Variants in CRACDL observed in about 807,000 individuals in gnomAD.
CRACDL encodes CRACD like.
A neutral mutation model predicts 70.6 loss-of-function variants in CRACDL; 26 were observed. The observed-to-expected ratio is 0.37, with a 90% CI of 0.27 to 0.51. The LOEUF (loss-of-function observed/expected upper bound fraction) is 0.51. Ranked by LOEUF, CRACDL falls within the 20% of genes least tolerant of loss-of-function variation. The pLI is 0.94. For missense variants in CRACDL, 1,283 were observed against 1,376.9 expected (o/e 0.93, Z 1.08); for synonymous variants, 618 against 615.2 (o/e 1.00, Z -0.07).
At chr2:98,807,524 GC>G (rs1438139209) in intron 7 of CRACDL, among the ~76,000 whole-genome samples, 1 of 152,184 alleles carries the variant, frequency 6.6e-6, no homozygotes, top group Non-Finnish European at 1.5e-5. Context: ...GCCCATGCCT[GC>G]CCCAGCTGAG....
intron 1 of CRACDL, among the ~76,000 whole-genome samples, chr2:98,903,930 G>A (rs755660248): frequency 6.6e-6 from 1 of 152,200 alleles, no homozygotes; most frequent in Non-Finnish European, 1.5e-5. Flanking sequence ...CTCAGCCTGG[G>A]TGACGCTCCT....
In CRACDL at chr2:98,893,314, C is replaced by T. The variant is rs545344172; in HGVS notation, c.-11+42624G>A. Among the ~76,000 whole-genome samples the T allele has an allele frequency of 1.1e-4, 16 of 152,042 alleles. No individual in the cohort carries two copies. In the South Asian group the frequency reaches 2.5e-3, roughly 24 times the overall value. On this transcript the variant is annotated intron_variant, in intron 1 of 9. Transcript: ENST00000397899. ...CCTATTTTTTTTTTTAGACGAGTCTCGCTCTGTTGCCCAGGCTGGAGTGCA... is the reference window on the plus strand; with the variant it reads ...CCTATTTTTTTTTTTAGACGAGTCTTGCTCTGTTGCCCAGGCTGGAGTGCA...
intron 1 of CRACDL, among the ~76,000 whole-genome samples, chr2:98,851,896 G>A (rs1363177587): frequency 6.6e-6 from 1 of 152,158 alleles, no homozygotes; most frequent in Admixed American, 6.5e-5. Flanking sequence ...AGAAATTAAA[G>A]TGGAATCAAC....
chr2:98,869,308 C>T, intron 1 of CRACDL: 1 of 1,216,316 alleles, frequency 8.2e-7, no homozygotes, highest in Non-Finnish European at 1.1e-6. Flanking sequence ...TCTGCCAAGC[C>T]CAGCCCTCCT....
At chr2:98,840,797 A>G (rs2104522036) in intron 2 of CRACDL, 1 of 152,312 alleles carries the variant, frequency 6.6e-6, no homozygotes, top group South Asian at 2.1e-4. Flanking sequence ...GGAAATGAAC[A>G]TTTTGTGAAA....
chr2:98,935,067 GA>G (rs1709172583), intron 1 of CRACDL, among the ~76,000 whole-genome samples: 2 of 152,158 alleles, frequency 1.3e-5, no homozygotes, highest in Non-Finnish European at 2.9e-5. Context: ...GAGCTCCAGG[GA>G]AAATACCAGG....
At chr2:98,855,390 T>C (rs992203509) in intron 1 of CRACDL, among the ~76,000 whole-genome samples, 2 of 152,198 alleles carry the variant, frequency 1.3e-5, no homozygotes, top group Non-Finnish European at 2.9e-5. Context: ...ATATGTTCTT[T>C]ATATAAACAT....
intron 1 of CRACDL, among the ~76,000 whole-genome samples, chr2:98,911,501 G>A (rs901865921): frequency 6.6e-6 from 1 of 152,196 alleles, no homozygotes; most frequent in African/African-American, 2.4e-5. Flanking sequence ...CCCACTTCGT[G>A]TGCCAGGCCC....
chr2:98,841,635 G>A (rs1284140595), intron 2 of CRACDL, among the ~76,000 whole-genome samples: 4 of 152,160 alleles, frequency 2.6e-5, no homozygotes, highest in African/African-American at 7.2e-5. Flanking sequence ...TGGCCTGAGG[G>A]TGCATTTGTG....
chr2:98,872,378 A>G (rs538777749), intron 1 of CRACDL, among the ~76,000 whole-genome samples: 2 of 152,234 alleles, frequency 1.3e-5, no homozygotes, highest in South Asian at 2.1e-4. Flanking sequence ...AAAAGACCAC[A>G]TGTTCTCACT....
chr2:98,817,312 T>C (rs1314954727), intron 7 of CRACDL, among the ~76,000 whole-genome samples: 2 of 152,188 alleles, frequency 1.3e-5, no homozygotes, highest in Non-Finnish European at 2.9e-5. Flanking sequence ...ACAACAATAC[T>C]GCATTGTACA....
intron 1 of CRACDL, among the ~76,000 whole-genome samples, chr2:98,873,970 C>T (rs546719822): frequency 2.9e-4 from 44 of 152,336 alleles, no homozygotes; most frequent in Admixed American, 5.9e-4. Context: ...TGTGCCACTG[C>T]ACTCCAGCCT....
At chr2:98,851,266 T>G (rs1390238060) in intron 1 of CRACDL, among the ~76,000 whole-genome samples, 1 of 152,160 alleles carries the variant, frequency 6.6e-6, no homozygotes, top group African/African-American at 2.4e-5. Context: ...TATTCACTGC[T>G]CTTTTACCAG....
At chr2:98,869,578 C>T (rs1260943705) in intron 1 of CRACDL, among the ~76,000 whole-genome samples, 4 of 152,170 alleles carry the variant, frequency 2.6e-5, no homozygotes, top group African/African-American at 9.7e-5. Flanking sequence ...AAGGGCAGGG[C>T]CCAGGAAGAA....
intron 2 of CRACDL, among the ~76,000 whole-genome samples, chr2:98,839,230 A>G (rs147393217): frequency 6.6e-6 from 1 of 152,190 alleles, no homozygotes; most frequent in Non-Finnish European, 1.5e-5. Context: ...TCATGGGGAG[A>G]ATTACTTAGG....
chr2:98,923,018 C>A (rs1270716520), intron 1 of CRACDL, among the ~76,000 whole-genome samples: 1 of 152,082 alleles, frequency 6.6e-6, no homozygotes, highest in Non-Finnish European at 1.5e-5. Context: ...GCCTGTAATC[C>A]TAGCACTTTG....
At chr2:98,828,648 C>T (rs61731203) in intron 5 of CRACDL, among the ~76,000 whole-genome samples, 2 of 152,148 alleles carry the variant, frequency 1.3e-5, no homozygotes, top group Non-Finnish European at 2.9e-5. Context: ...GTGAAGGTCT[C>T]TCCTATTTTC....
At chr2:98,798,603 A>G (rs1420581352) in intron 7 of CRACDL, among the ~76,000 whole-genome samples, 3 of 151,676 alleles carry the variant, frequency 2.0e-5, no homozygotes, top group Admixed American at 6.6e-5. Context: ...GCTCTTCTGT[A>G]TTTTCATATT....
intron 2 of CRACDL, chr2:98,840,573 A>G (rs976310796): frequency 6.6e-6 from 1 of 152,082 alleles, no homozygotes; most frequent in Non-Finnish European, 1.5e-5. Flanking sequence ...TGTTTTATCA[A>G]TTACTGAGAG....
Sources: gnomAD v4.1 joint callset for allele counts (sites outside exome capture counted in the v4.1 genomes callset) on GRCh38, gnomAD v4.1.1 for gene constraint, MANE v1.5 for transcripts, NCBI Gene and HGNC (gene_info 2026-07-23, HGNC 2026-07-21) for gene names.